Variants in DENND4C observed in about 807,000 individuals in gnomAD.
The protein encoded by DENND4C is DENN domain-containing protein 4C.
A neutral mutation model predicts 203.0 loss-of-function variants in DENND4C; 108 were observed. That is an observed-to-expected ratio of 0.53 (90% CI 0.46 to 0.62). The LOEUF (loss-of-function observed/expected upper bound fraction) is 0.62, where lower values mean the gene tolerates loss of function less well. Ranked by LOEUF, DENND4C falls within the 20% of genes least tolerant of loss-of-function variation. The pLI, the probability that DENND4C is intolerant of heterozygous loss-of-function variation, is 0.00. For synonymous variants in DENND4C, 871 were observed against 792.4 expected, an observed-to-expected ratio of 1.10 and a Z score of -1.67; for missense variants, 2,481 against 2,301.2, an observed-to-expected ratio of 1.08 and a Z score of -1.60.
At chr9:19,277,813 A>G (rs921758661) in intron 2 of DENND4C, among the ~76,000 whole-genome samples, 1 of 152,166 alleles carries the variant, frequency 6.6e-6, no homozygotes, top group African/African-American at 2.4e-5. Flanking sequence ...ACCATTTATC[A>G]TGTTGAGGAA....
intron 1 of DENND4C, among the ~76,000 whole-genome samples, chr9:19,231,484 C>T (rs1252093838): frequency 6.6e-6 from 1 of 151,872 alleles, no homozygotes; most frequent in Non-Finnish European, 1.5e-5. Flanking sequence ...GGAATGAAGT[C>T]CTAAGGCTGA....
intron 23 of DENND4C, among the ~76,000 whole-genome samples, chr9:19,347,811 A>T (rs1349054083): frequency 1.3e-5 from 2 of 152,250 alleles, no homozygotes; most frequent in African/African-American, 4.8e-5. Context: ...CTTTTAAAAT[A>T]ATTTTTACCT....
chr9:19,231,423 T>C (rs1820522740), intron 1 of DENND4C, among the ~76,000 whole-genome samples: 1 of 152,100 alleles, frequency 6.6e-6, no homozygotes, highest in Non-Finnish European at 1.5e-5. Flanking sequence ...GGGATGACTT[T>C]CTAGGAGGGC....
At chr9:19,285,576 C>CTTTTTTTTTTTTTTTTTTTTTT (rs61396893) in intron 2 of DENND4C, among the ~76,000 whole-genome samples, 1 of 135,854 alleles carries the variant, frequency 7.4e-6, no homozygotes. Flanking sequence ...GTCTTTGTGA[C>CTTTTTTTTTTTTTTTTTTTTTT]TTTTTTTTTT....
intron 10 of DENND4C, among the ~76,000 whole-genome samples, chr9:19,313,551 G>A (rs1841164220): frequency 6.6e-6 from 1 of 152,264 alleles, no homozygotes; most frequent in African/African-American, 2.4e-5. Flanking sequence ...ATTAGACAGC[G>A]ATTACATAAA....
chr9:19,299,380 G>T, intron 8 of DENND4C, 93 bp downstream of exon 8: 1 of 790,898 alleles, frequency 1.3e-6, no homozygotes, highest in Admixed American at 3.8e-5. Context: ...ATATATTAGT[G>T]ATTGTTATTT....
intron 26 of DENND4C, among the ~76,000 whole-genome samples, chr9:19,354,825 CG>C (rs1043624664): frequency 4.6e-5 from 7 of 151,692 alleles, no homozygotes; most frequent in Admixed American, 1.3e-4. Context: ...GGATTACAGG[CG>C]TGAGCCACTG....
intron 20 of DENND4C, among the ~76,000 whole-genome samples, chr9:19,338,191 T>G (rs1347943117): frequency 6.6e-6 from 1 of 152,212 alleles, no homozygotes; most frequent in African/African-American, 2.4e-5. Flanking sequence ...ACTTTTATTT[T>G]AAAGCCACCA....
chr9:19,241,965 C>T (rs2175378), intron 1 of DENND4C, among the ~76,000 whole-genome samples: 75,883 of 151,358 alleles, frequency 0.5, 19,748 homozygotes, highest in South Asian at 0.59. Flanking sequence ...CTGAGATGGG[C>T]GGATTGCTTG....
chr9:19,325,721 A>G (rs1375025668), intron 13 of DENND4C, among the ~76,000 whole-genome samples: 6 of 152,200 alleles, frequency 3.9e-5, no homozygotes, highest in African/African-American at 1.4e-4. Flanking sequence ...AGGTTTACAA[A>G]ACAACTAATC....
intron 1 of DENND4C, among the ~76,000 whole-genome samples, chr9:19,256,081 AT>A (rs1217758307): frequency 7.3e-4 from 110 of 150,652 alleles, no homozygotes; most frequent in African/African-American, 2.3e-3. Flanking sequence ...CTGCAAAAAA[AT>A]AAATGAAAAA....
At chr9:19,281,914 T>A (rs983019602) in intron 2 of DENND4C, among the ~76,000 whole-genome samples, 1 of 152,206 alleles carries the variant, frequency 6.6e-6, no homozygotes, top group African/African-American at 2.4e-5. Context: ...CAGAAAAATC[T>A]GGCATAAAAA....
At chr9:19,335,744 C>T (rs1434846897) in intron 18 of DENND4C, among the ~76,000 whole-genome samples, 1 of 152,100 alleles carries the variant, frequency 6.6e-6, no homozygotes, top group Admixed American at 6.6e-5. Flanking sequence ...ACATTTTCTT[C>T]ATCCATTCAT....
At chr9:19,370,038 T>C (rs899720969) in intron 31 of DENND4C, 51 bp downstream of exon 31, 2 of 1,591,944 alleles carry the variant, frequency 1.3e-6, no homozygotes, top group Non-Finnish European at 1.7e-6. Flanking sequence ...TTCATGTTTT[T>C]AAAAAAATAT....
At chr9:19,265,480 T>G (rs1277380279) in intron 1 of DENND4C, among the ~76,000 whole-genome samples, 2 of 151,982 alleles carry the variant, frequency 1.3e-5, no homozygotes, top group African/African-American at 2.4e-5. Context: ...ATACTTTAAG[T>G]TCTAGGGTAC....
Position 19,372,584 on chromosome 9 carries a change from A to AC in DENND4C, c.*412dup, listed in dbSNP as rs1829019855. 1 of 157,048 alleles carries AC rather than the reference A, an allele frequency of 6.4e-6. No individual in the cohort carries two copies. 9.7% of individuals were successfully genotyped at this position (157,048 alleles called of 1,614,324 possible). ...ATGAAATATCTCAATTATAAAAGCA[A>AC]CATGGCCGGGCACGGTGGCTCAGGC... On this transcript the variant is annotated 3_prime_UTR_variant, in exon 33 of 33. Coordinates refer to ENST00000434457, the MANE Select transcript of DENND4C (RefSeq NM_001330640.2).
intron 18 of DENND4C, 108 bp downstream of exon 18, chr9:19,335,213 T>C: frequency 1.5e-6 from 1 of 650,902 alleles, no homozygotes; most frequent in Non-Finnish European, 2.2e-6. Context: ...TGGGATATAA[T>C]TTTTTAATAA....
chr9:19,356,921 G>GAA lies in DENND4C; in HGVS notation c.4782-48_4782-47dup. 3.9e-6 allele frequency: 6 copies of GAA among 1,521,016 alleles called. No homozygotes were observed. The South Asian group carries it at 7.2e-5, about 18-fold the overall frequency. The allele number at this position is 1,521,016 out of a possible 1,614,324, so 94.2% of individuals were successfully genotyped here. Reference sequence around the variant, plus strand: ...TGATTCTAAATATGATAGAATTTTAGAAAACTTGAGGATTTTTAAAGGCTC... The same window carrying GAA: ...TGATTCTAAATATGATAGAATTTTAGAAAAAACTTGAGGATTTTTAAAGGCTC... On this transcript the variant is annotated intron_variant, in intron 26 of 32. Transcript: ENST00000434457.
chr9:19,322,720 A>G (rs566773732), intron 12 of DENND4C, among the ~76,000 whole-genome samples: 14 of 141,534 alleles, frequency 9.9e-5, no homozygotes, highest in African/African-American at 3.6e-4. Context: ...CAATACAGTG[A>G]GACTTCATCT....
Sources: gnomAD v4.1 joint callset for allele counts (sites outside exome capture counted in the v4.1 genomes callset) on GRCh38, gnomAD v4.1.1 for gene constraint, MANE v1.5 for transcripts, NCBI Gene and HGNC (gene_info 2026-07-23, HGNC 2026-07-21) for gene names.